PTPRT: variants seen among roughly 807,000 people sequenced by gnomAD.
The protein encoded by PTPRT is protein tyrosine phosphatase receptor type T, also known as receptor-type tyrosine-protein phosphatase T.
PTPRT carries 56 observed loss-of-function variants against 176.8 expected under a neutral mutation model. The ratio of observed to expected loss-of-function variants is 0.32; its 90% CI spans 0.26 to 0.40. The LOEUF (loss-of-function observed/expected upper bound fraction) is 0.40. PTPRT is among the 10% of genes least tolerant of loss of function. The probability of loss-of-function intolerance (pLI) is 1.00; values close to 1 mark genes in which losing one functional copy is unlikely to be tolerated. For missense variants in PTPRT, 1,540 were observed against 1,908.2 expected (o/e 0.81, Z 3.60); for synonymous variants, 783 against 739.0 (o/e 1.06, Z -0.96).
intron 1 of PTPRT, among the ~76,000 whole-genome samples, chr20:43,009,320 C>G (rs868757626): frequency 7.6e-4 from 116 of 152,318 alleles, no homozygotes; most frequent in African/African-American, 2.4e-3. Flanking sequence ...GTGAGAGAAT[C>G]TGAAATCCCA....
intron 1 of PTPRT, among the ~76,000 whole-genome samples, chr20:42,985,234 C>T (rs1170646720): frequency 6.6e-6 from 1 of 152,154 alleles, no homozygotes; most frequent in Non-Finnish European, 1.5e-5. Context: ...TGGTGGCTCA[C>T]ACCTGTAATC....
chr20:42,180,428 C>T lies in PTPRT; in HGVS notation c.2491+18812G>A, dbSNP rs576649733. Among the ~76,000 whole-genome samples, 10 of 152,304 alleles carry T rather than the reference C, an allele frequency of 6.6e-5. No homozygotes were observed. In the South Asian group the frequency reaches 2.1e-3, roughly 32 times the overall value. The stretch of plus-strand genomic sequence containing the variant: ...CTCCTCCACTTATGACTCCTGATCC[C>T]ATTCAGCATGTTCTATTGTTTCAGT... On this transcript the variant is annotated intron_variant, in intron 16 of 30. Coordinates refer to ENST00000373187, the MANE Select transcript of PTPRT (RefSeq NM_007050.6).
At chr20:42,143,046 A>G (rs775653152) in intron 17 of PTPRT, among the ~76,000 whole-genome samples, 3 of 152,200 alleles carry the variant, frequency 2.0e-5, no homozygotes, top group Non-Finnish European at 2.9e-5. Context: ...GGAAGTAGTG[A>G]TGGAAGTATC....
At chr20:42,287,938 G>A (rs2057258262) in intron 12 of PTPRT, among the ~76,000 whole-genome samples, 1 of 151,874 alleles carries the variant, frequency 6.6e-6, no homozygotes, top group African/African-American at 2.4e-5. Context: ...TAACAAAAAT[G>A]ATTGTGAGGG....
intron 9 of PTPRT, among the ~76,000 whole-genome samples, chr20:42,380,363 GT>G (rs1387939823): frequency 2.0e-5 from 3 of 152,084 alleles, no homozygotes; most frequent in African/African-American, 7.2e-5. Context: ...CAGAGATCAG[GT>G]TTAGCCCACA....
chr20:42,105,960 T>C (rs935391548), intron 24 of PTPRT, among the ~76,000 whole-genome samples: 2 of 152,140 alleles, frequency 1.3e-5, no homozygotes, highest in African/African-American at 4.8e-5. Flanking sequence ...TAAGCCAAGG[T>C]ACAGAGTGGG....
chr20:42,825,707 A>G (rs2077980703), intron 2 of PTPRT, among the ~76,000 whole-genome samples: 1 of 152,186 alleles, frequency 6.6e-6, no homozygotes, highest in Non-Finnish European at 1.5e-5. Context: ...AAAGACATAA[A>G]CAAACCCATA....
chr20:42,759,167 C>T (rs2145416277), intron 5 of PTPRT, among the ~76,000 whole-genome samples: 1 of 152,278 alleles, frequency 6.6e-6, no homozygotes, highest in Middle Eastern at 3.4e-3. Context: ...TTCAGGGCCA[C>T]CATGGGGGAT....
At chr20:42,811,730 T>A (rs191667441) in intron 2 of PTPRT, among the ~76,000 whole-genome samples, 1 of 152,194 alleles carries the variant, frequency 6.6e-6, no homozygotes, top group Non-Finnish European at 1.5e-5. Flanking sequence ...TTAACCTTCA[T>A]ACCCTGATCT....
intron 1 of PTPRT, among the ~76,000 whole-genome samples, chr20:43,028,908 C>T (rs942205786): frequency 2.0e-5 from 3 of 152,180 alleles, no homozygotes; most frequent in African/African-American, 4.8e-5. Flanking sequence ...TCTACAGACA[C>T]GGGTCAGGAA....
In PTPRT at chr20:42,388,122, G is replaced by C. The variant is rs556572589; in HGVS notation, c.1561-35837C>G. 7.2e-5 allele frequency among the ~76,000 whole-genome samples: 11 copies of C among 152,224 alleles called. No homozygotes were observed. In the South Asian group the frequency reaches 2.3e-3, roughly 32 times the overall value. ...CTAACATTCTTCAGTGCATAGGACA[G>C]TCCCCAAAATAAAGACTTACCCAGT... On this transcript the variant is annotated intron_variant, in intron 9 of 30. Transcript: ENST00000373187.
intron 9 of PTPRT, among the ~76,000 whole-genome samples, chr20:42,429,353 G>C (rs1171417331): frequency 2.0e-5 from 3 of 152,166 alleles, no homozygotes; most frequent in East Asian, 1.9e-4. Flanking sequence ...CAGAGGTATC[G>C]TGGAGGAGTG....
chr20:42,288,590 C>T (rs1295542802), intron 12 of PTPRT, among the ~76,000 whole-genome samples: 1 of 151,982 alleles, frequency 6.6e-6, no homozygotes, highest in Non-Finnish European at 1.5e-5. Context: ...ATGTTTAGCT[C>T]TCACTTACAA....
intron 2 of PTPRT, among the ~76,000 whole-genome samples, chr20:42,858,865 G>A (rs1243306383): frequency 6.6e-6 from 1 of 152,180 alleles, no homozygotes; most frequent in Non-Finnish European, 1.5e-5. Flanking sequence ...AAGCCTAGTT[G>A]AGAAGGGAAT....
In PTPRT at chr20:42,128,756, C is replaced by T. The variant is rs1374515118; in HGVS notation, c.2845G>A (p.Asp949Asn). ...CCCAGCCCCATTAAGACACTCACGT[C>T]AATGTAGTTGGCATTGATGTAGTCA... ...HSDYINANYI[D>N]GYHRPRHYIA... The change falls in exon 19 of 31, where the codon GAC becomes AAC. Residue 949 changes from aspartate to asparagine, a missense_variant and splice_region_variant. Asp to Asn is a conservative substitution (Grantham distance 23, BLOSUM62 1). Around this residue, in one of 11 missense-constraint regions of PTPRT, gnomAD observed 248 missense variants for 356.7 expected, o/e 0.70. Transcript: ENST00000373187. The T allele has an allele frequency of 1.9e-6, 3 of 1,597,032 alleles. No homozygotes were observed.
intron 1 of PTPRT, among the ~76,000 whole-genome samples, chr20:42,965,801 C>A (rs1600602210): frequency 6.6e-6 from 1 of 152,236 alleles, no homozygotes; most frequent in East Asian, 1.9e-4. Flanking sequence ...AACGATACCC[C>A]CATTTAATTT....
intron 7 of PTPRT, among the ~76,000 whole-genome samples, chr20:42,481,301 C>T (rs1402999438): frequency 1.3e-5 from 2 of 152,144 alleles, no homozygotes; most frequent in African/African-American, 2.4e-5. Context: ...AATCTCATGG[C>T]TAACACAGTA....
At chr20:42,447,375 A>C (rs367690784) in intron 9 of PTPRT, among the ~76,000 whole-genome samples, 66 of 152,200 alleles carry the variant, frequency 4.3e-4, no homozygotes, top group African/African-American at 1.5e-3. Context: ...GAAAAGGTGG[A>C]GCTACTAGGA....
intron 7 of PTPRT, among the ~76,000 whole-genome samples, chr20:42,627,105 G>A (rs1157536061): frequency 7.9e-5 from 12 of 152,120 alleles, no homozygotes; most frequent in Non-Finnish European, 8.8e-5. Context: ...GCACATCTAG[G>A]AGATTCTAAA....
Sources: gnomAD v4.1 joint callset for allele counts (sites outside exome capture counted in the v4.1 genomes callset) on GRCh38, gnomAD v4.1.1 for gene constraint, gnomAD v4.1.1 regional missense constraint, MANE v1.5 for transcripts, NCBI Gene and HGNC (gene_info 2026-07-23, HGNC 2026-07-21) for gene names.